Variants in RLF observed in about 807,000 individuals in gnomAD.
RLF encodes the protein zinc finger protein Rlf.
A neutral mutation model predicts 162.9 loss-of-function variants in RLF; 7 were observed. The observed-to-expected ratio is 0.04, with a 90% CI of 0.02 to 0.08. The LOEUF is 0.08. Ranked by LOEUF, RLF falls within the 10% of genes least tolerant of loss-of-function variation. The pLI is 1.00. For missense variants in RLF, 1,664 were observed against 2,244.7 expected (o/e 0.74, Z 5.23); for synonymous variants, 782 against 791.5 (o/e 0.99, Z 0.20).
At chr1:40,228,305 G>A (rs1186210278) in intron 6 of RLF, among the ~76,000 whole-genome samples, 3 of 148,910 alleles carry the variant, frequency 2.0e-5, no homozygotes, top group East Asian at 2.0e-4. Context: ...AAAGCCAGGC[G>A]TGGTGGCTCA....
At chr1:40,235,055 A>ATTTTTTTTT (rs761816149) in intron 7 of RLF, among the ~76,000 whole-genome samples, 3 of 105,464 alleles carry the variant, frequency 2.8e-5, no homozygotes, top group East Asian at 2.9e-4. Flanking sequence ...GATAGAGAGA[A>ATTTTTTTTT]TTTTTTTTTT....
Position 40,221,593 on chromosome 1 carries a change from A to G in RLF, c.811-981A>G, listed in dbSNP as rs1355089172. On this transcript the variant is annotated intron_variant, in intron 5 of 7. Coordinates refer to ENST00000372771, the MANE Select transcript of RLF (RefSeq NM_012421.4). ...CTGGAGGAGTTGAGCTGTTTACCTCATTTGCTCTGATGCAAAAAAAAAAAA... is the reference window on the plus strand; with the variant it reads ...CTGGAGGAGTTGAGCTGTTTACCTCGTTTGCTCTGATGCAAAAAAAAAAAA... 4.7e-5 allele frequency among the ~76,000 whole-genome samples: 7 copies of G among 149,636 alleles called. No homozygotes were observed. The South Asian group carries it at 1.5e-3, about 32-fold the overall frequency.
chr1:40,185,337 G>C lies in RLF; in HGVS notation c.238-3718G>C, dbSNP rs867045347. ...GTAGAGACAGGGTTTCACCATGTTGGCCAGGCTGGTCTGAACTCCTGACCT... is the reference window on the plus strand; with the variant it reads ...GTAGAGACAGGGTTTCACCATGTTGCCCAGGCTGGTCTGAACTCCTGACCT... On this transcript the variant is annotated intron_variant, in intron 1 of 7. Transcript: ENST00000372771. Among the ~76,000 whole-genome samples the C allele has an allele frequency of 9.9e-5, 15 of 150,866 alleles. No individual in the cohort carries two copies. The South Asian group carries it at 2.3e-3, about 23-fold the overall frequency.
At chr1:40,226,921 A>T (rs183489725) in intron 6 of RLF, among the ~76,000 whole-genome samples, 2 of 152,132 alleles carry the variant, frequency 1.3e-5, no homozygotes, top group East Asian at 1.9e-4. Flanking sequence ...CTGCAGTGCA[A>T]TGGTGCAGTC....
rs1339966699 is a variant in RLF, at chr1:40,203,437, G to C, written c.810+823G>C. Among the ~76,000 whole-genome samples, 3 of 151,986 alleles carry C rather than the reference G, an allele frequency of 2.0e-5. No individual in the cohort carries two copies. In the South Asian group the frequency reaches 6.2e-4, roughly 32 times the overall value. On this transcript the variant is annotated intron_variant, in intron 5 of 7. Coordinates refer to ENST00000372771, the MANE Select transcript of RLF (RefSeq NM_012421.4). ...GGGCGCCTGTAATCCCAGGTACTCA[G>C]GAGGCTGAGGCAGGAAAATCGCTTG...
intron 6 of RLF, among the ~76,000 whole-genome samples, chr1:40,223,329 C>G (rs1017392374): frequency 3.3e-5 from 5 of 152,094 alleles, no homozygotes; most frequent in Non-Finnish European, 7.4e-5. Context: ...CAGGAAACCT[C>G]TAAAATGTAA....
At chr1:40,167,642 C>T (rs550056725) in intron 1 of RLF, among the ~76,000 whole-genome samples, 1 of 151,906 alleles carries the variant, frequency 6.6e-6, no homozygotes, top group South Asian at 2.1e-4. Flanking sequence ...TCCCAGTGAC[C>T]TTCCTTGACT....
chr1:40,165,873 C>T (rs1323949152), intron 1 of RLF, among the ~76,000 whole-genome samples: 1 of 152,154 alleles, frequency 6.6e-6, no homozygotes, highest in Non-Finnish European at 1.5e-5. Flanking sequence ...TCCCATTTTC[C>T]CAGCCTCATT....
intron 5 of RLF, among the ~76,000 whole-genome samples, chr1:40,214,783 T>C (rs958720808): frequency 6.7e-6 from 1 of 150,366 alleles, no homozygotes; most frequent in East Asian, 1.9e-4. Flanking sequence ...ATTAGCTGGG[T>C]GTGGTAGTGT....
At chr1:40,198,539 G>A (rs750582305) in intron 4 of RLF, among the ~76,000 whole-genome samples, 1 of 152,078 alleles carries the variant, frequency 6.6e-6, no homozygotes, top group Admixed American at 6.6e-5. Flanking sequence ...GACCGCAGAT[G>A]ATCCACCTGC....
intron 5 of RLF, among the ~76,000 whole-genome samples, chr1:40,221,917 A>AAAAAAAAGAG (rs1486982312): frequency 3.3e-5 from 5 of 150,280 alleles, no homozygotes; most frequent in African/African-American, 1.2e-4. Flanking sequence ...AAAAAAAAAA[A>AAAAAAAAGAG]AGAGAAAGGA....
Position 40,239,228 on chromosome 1 carries a change from G to A in RLF, c.4526G>A (p.Arg1509Lys), listed in dbSNP as rs1483740393. The stretch of plus-strand genomic sequence containing the variant: ...GGGCATGAACATCAGACCACCAGGA[G>A]ATCATTTAATGCTAAGTCTAAAAAA... ...TQGHEHQTTR[R>K]SFNAKSKKCG... is the part of the protein sequence containing the mutation. The change falls in exon 8 of 8, where the codon AGA (arginine) becomes AAA (lysine). Residue 1509 changes from arginine to lysine, a missense_variant. Around this residue, in one of 15 missense-constraint regions of RLF, gnomAD observed 200 missense variants for 207.3 expected, o/e 0.96. Coordinates refer to ENST00000372771, the MANE Select transcript of RLF (RefSeq NM_012421.4). 1.2e-6 allele frequency: 2 copies of A among 1,614,038 alleles called. No homozygotes were observed. Among genetic ancestry groups the A allele is most frequent in the Non-Finnish European group, 1.7e-6 (2 of 1,180,036 alleles).
At chr1:40,218,032 C>T (rs1157785293) in intron 5 of RLF, among the ~76,000 whole-genome samples, 4 of 152,010 alleles carry the variant, frequency 2.6e-5, no homozygotes, top group Non-Finnish European at 4.4e-5. Flanking sequence ...GGTTTTCTAT[C>T]GTAAATATTT....
chr1:40,187,375 A>G (rs551758303), intron 1 of RLF, among the ~76,000 whole-genome samples: 1 of 152,284 alleles, frequency 6.6e-6, no homozygotes, highest in African/African-American at 2.4e-5. Flanking sequence ...ACAGACACCC[A>G]TTCTGCATTC....
chr1:40,225,484 C>T (rs138667549), intron 6 of RLF, among the ~76,000 whole-genome samples: 292 of 150,634 alleles, frequency 1.9e-3, no homozygotes, highest in African/African-American at 6.8e-3. Flanking sequence ...GAGGCTGAGG[C>T]AGGAGAATTG....
chr1:40,188,924 C>A (rs895148063), intron 1 of RLF, 131 bp from the exon 2 acceptor site: 4 of 528,282 alleles, frequency 7.6e-6, no homozygotes, highest in African/African-American at 3.9e-5. Context: ...CAAACCAGAG[C>A]CTTAAAAGGC....
intron 1 of RLF, among the ~76,000 whole-genome samples, chr1:40,183,026 G>A (rs12079196): frequency 0.32 from 48,884 of 151,780 alleles, 9,170 homozygotes; most frequent in African/African-American, 0.52. Flanking sequence ...GCTTCCTCAT[G>A]CTGACATTTA....
At chr1:40,192,606 TGCATAA>T in intron 3 of RLF, among the ~76,000 whole-genome samples, 1 of 152,300 alleles carries the variant, frequency 6.6e-6, no homozygotes, top group South Asian at 2.1e-4. Context: ...TTTTTCCACT[TGCATAA>T]GCTTTTTCAG....
chr1:40,212,027 C>T (rs970496922), intron 5 of RLF, among the ~76,000 whole-genome samples: 5 of 152,234 alleles, frequency 3.3e-5, no homozygotes, highest in Admixed American at 6.5e-5. Context: ...TAGTGAGTCA[C>T]CAGATGTTGA....
Sources: gnomAD v4.1 joint callset for allele counts (sites outside exome capture counted in the v4.1 genomes callset) on GRCh38, gnomAD v4.1.1 for gene constraint, gnomAD v4.1.1 regional missense constraint, MANE v1.5 for transcripts, NCBI Gene and HGNC (gene_info 2026-07-23, HGNC 2026-07-21) for gene names.